The following NSMCE2 variants were observed in gnomAD, a reference collection of about 807,000 sequenced individuals.
The protein encoded by NSMCE2 is E3 SUMO-protein ligase NSE2.
Under a neutral mutation model 23.8 loss-of-function variants are expected in NSMCE2, and 24 were observed. That is an observed-to-expected ratio of 1.01 (90% CI 0.73 to 1.42). The LOEUF (loss-of-function observed/expected upper bound fraction) is 1.42, where lower values mean the gene tolerates loss of function less well. Among genes scored for constraint, NSMCE2 ranks in the 40% most tolerant of loss-of-function variants. The pLI is 0.00. For synonymous variants in NSMCE2, 92 were observed against 94.1 expected (o/e 0.98, Z 0.13); for missense variants, 284 against 296.5 (o/e 0.96, Z 0.31).
intron 5 of NSMCE2, among the ~76,000 whole-genome samples, chr8:125,282,757 A>G (rs1280029453): frequency 2.0e-5 from 3 of 152,164 alleles, no homozygotes; most frequent in African/African-American, 4.8e-5. Flanking sequence ...TATCCCTTCA[A>G]AGTATCTGTT....
chr8:125,135,162 C>T (rs1819999440), intron 3 of NSMCE2, among the ~76,000 whole-genome samples: 1 of 152,098 alleles, frequency 6.6e-6, no homozygotes, highest in Non-Finnish European at 1.5e-5. Context: ...AAGTGATCCA[C>T]CTGCCTTGGT....
At chr8:125,316,594 TTCTTTCC>T (rs1257096299) in intron 5 of NSMCE2, among the ~76,000 whole-genome samples, 3 of 151,698 alleles carry the variant, frequency 2.0e-5, no homozygotes, top group East Asian at 1.9e-4. Flanking sequence ...TTTCTTTTCT[TTCTTTCC>T]TTCTTTCCTT....
At chr8:125,213,573 C>T (rs1430922702) in intron 5 of NSMCE2, among the ~76,000 whole-genome samples, 3 of 131,986 alleles carry the variant, frequency 2.3e-5, no homozygotes, top group East Asian at 5.2e-4. Flanking sequence ...CCCTCCCCCT[C>T]CCCTCTTTCC....
intron 5 of NSMCE2, among the ~76,000 whole-genome samples, chr8:125,258,142 A>G (rs971735891): frequency 6.6e-6 from 1 of 152,188 alleles, no homozygotes; most frequent in Non-Finnish European, 1.5e-5. Context: ...ATAGATGTAA[A>G]TAGTTTTATA....
chr8:125,204,282 A>G (rs918405144), intron 5 of NSMCE2, among the ~76,000 whole-genome samples: 5 of 152,210 alleles, frequency 3.3e-5, no homozygotes, highest in African/African-American at 1.2e-4. Context: ...CTTAAGCACA[A>G]AGTGTGGCTG....
At chr8:125,148,080 C>T (rs1236732550) in intron 3 of NSMCE2, among the ~76,000 whole-genome samples, 1 of 152,118 alleles carries the variant, frequency 6.6e-6, no homozygotes, top group African/African-American at 2.4e-5. Flanking sequence ...TTAGAATTTC[C>T]TTCCTGATCT....
intron 5 of NSMCE2, among the ~76,000 whole-genome samples, chr8:125,259,617 A>C (rs894187219): frequency 1.3e-5 from 2 of 152,170 alleles, no homozygotes; most frequent in Admixed American, 1.3e-4. Context: ...TACTTGCTTG[A>C]GTTATCCCAT....
At chr8:125,224,228 TA>T (rs1824996574) in intron 5 of NSMCE2, among the ~76,000 whole-genome samples, 1 of 152,246 alleles carries the variant, frequency 6.6e-6, no homozygotes, top group Non-Finnish European at 1.5e-5. Context: ...TTATCACATG[TA>T]TGCTTCGCAA....
chr8:125,214,933 A>G (rs997508192), intron 5 of NSMCE2, among the ~76,000 whole-genome samples: 2 of 152,136 alleles, frequency 1.3e-5, no homozygotes, highest in African/African-American at 4.8e-5. Context: ...CACCTCCAGA[A>G]CTTTTTCAGT....
At chr8:125,311,714 G>A (rs1169876909) in intron 5 of NSMCE2, among the ~76,000 whole-genome samples, 2 of 152,172 alleles carry the variant, frequency 1.3e-5, no homozygotes, top group Admixed American at 1.3e-4. Context: ...GTGTTGCTTG[G>A]AAATTAAGAA....
chr8:125,183,761 A>G (rs987908973), intron 5 of NSMCE2, among the ~76,000 whole-genome samples: 4 of 152,080 alleles, frequency 2.6e-5, no homozygotes, highest in African/African-American at 7.2e-5. Context: ...AGCTCACATT[A>G]TATGACCTCA....
intron 3 of NSMCE2, among the ~76,000 whole-genome samples, chr8:125,136,772 A>C (rs564878708): frequency 6.6e-6 from 1 of 152,068 alleles, no homozygotes; most frequent in African/African-American, 2.4e-5. Context: ...AATTATTACT[A>C]TTTTTCAATA....
At chr8:125,120,136 A>G (rs1304260439) in intron 3 of NSMCE2, among the ~76,000 whole-genome samples, 1 of 152,248 alleles carries the variant, frequency 6.6e-6, no homozygotes, top group Non-Finnish European at 1.5e-5. Context: ...ATCTTACAGT[A>G]CATGTCAACC....
At chr8:125,185,144 CCAAGATACAGCTTG>C (rs1193401159) in intron 5 of NSMCE2, among the ~76,000 whole-genome samples, 1 of 152,092 alleles carries the variant, frequency 6.6e-6, no homozygotes, top group African/African-American at 2.4e-5. Flanking sequence ...TGGGGAGAGG[CCAAGATACAGCTTG>C]CAATGAAGTT....
At position 125,155,978 on chromosome 8, in the gene NSMCE2, G is replaced by A. The variant is rs1425949570; in HGVS notation, c.264+4701G>A. 8.8e-6 allele frequency: 4 copies of A among 453,432 alleles called. No homozygotes were observed. In the East Asian group the frequency reaches 2.8e-4, roughly 32 times the overall value. 28.1% of individuals were successfully genotyped at this position (453,432 alleles called of 1,614,324 possible). The stretch of plus-strand genomic sequence containing the variant: ...CTGTCATATATATTTAGCAATTGAT[G>A]ATAAAATATATATCCTCTCAGCTAG... On this transcript the variant is annotated intron_variant, in intron 4 of 7. Transcript: ENST00000287437.
chr8:125,177,057 T>G (rs1252678259), intron 4 of NSMCE2, among the ~76,000 whole-genome samples: 1 of 152,274 alleles, frequency 6.6e-6, no homozygotes, highest in Admixed American at 6.5e-5. Context: ...TGAAATTTGT[T>G]ACTTGCTTTC....
chr8:125,150,608 C>G (rs1226019548), intron 3 of NSMCE2, among the ~76,000 whole-genome samples: 1 of 151,850 alleles, frequency 6.6e-6, no homozygotes, highest in Non-Finnish European at 1.5e-5. Context: ...TCTTGAACTC[C>G]TGACCTCAAG....
chr8:125,237,636 G>A (rs1193819913), intron 5 of NSMCE2, among the ~76,000 whole-genome samples: 1 of 152,218 alleles, frequency 6.6e-6, no homozygotes, highest in Non-Finnish European at 1.5e-5. Context: ...GTTGTTCACT[G>A]TGAATTAATA....
chr8:125,306,182 T>G (rs913174220), intron 5 of NSMCE2, among the ~76,000 whole-genome samples: 1 of 151,928 alleles, frequency 6.6e-6, no homozygotes, highest in Non-Finnish European at 1.5e-5. Flanking sequence ...ATTAAAAAAT[T>G]AGCCAGGTGT....
Sources: allele counts gnomAD v4.1 joint callset (sites outside exome capture counted in the v4.1 genomes callset), GRCh38; gene constraint gnomAD v4.1.1; transcripts MANE v1.5; gene names NCBI Gene and HGNC (gene_info 2026-07-23, HGNC 2026-07-21).